COX16: variants seen among roughly 807,000 people sequenced by gnomAD.
COX16 encodes cytochrome c oxidase assembly factor COX16.
In COX16, 12 loss-of-function variants were observed where a neutral mutation model predicts 15.4. The observed-to-expected ratio is 0.78, with a 90% CI of 0.50 to 1.26. The LOEUF is 1.26. COX16 is among the 50% of genes most tolerant of loss of function. The probability of loss-of-function intolerance (pLI) is 0.00; values close to 1 mark genes in which losing one functional copy is unlikely to be tolerated. For synonymous variants in COX16, 46 were observed against 41.1 expected (o/e 1.12, Z -0.46); for missense variants, 124 against 127.6 (o/e 0.97, Z 0.14).
intron 1 of COX16, among the ~76,000 whole-genome samples, chr14:70,356,630 AAAC>A (rs1356668653): frequency 6.6e-6 from 1 of 152,206 alleles, no homozygotes; most frequent in Non-Finnish European, 1.5e-5. Flanking sequence ...AAAATACTTC[AAAC>A]AACAACAGAT....
intron 1 of COX16, among the ~76,000 whole-genome samples, chr14:70,355,945 C>G (rs960590837): frequency 3.1e-4 from 47 of 152,088 alleles, no homozygotes; most frequent in African/African-American, 1.1e-3. Flanking sequence ...CCTCCCTCCC[C>G]TCTCTCTTGG....
chr14:70,332,958 C>A lies in COX16; in HGVS notation c.142-3722G>T, dbSNP rs75767474. On this transcript the variant is annotated intron_variant, in intron 2 of 3. Transcript: ENST00000389912. ...CACAGATCCATTTGGGCCAAAAAGCCATGCCAACCTTGGAGCCTTCATAAG... is the reference window on the plus strand; with the variant it reads ...CACAGATCCATTTGGGCCAAAAAGCAATGCCAACCTTGGAGCCTTCATAAG... Among the ~76,000 whole-genome samples the A allele has an allele frequency of 1.8e-4, 28 of 152,324 alleles. No homozygotes were observed. In the East Asian group the frequency reaches 4.8e-3, roughly 26 times the overall value.
intron 3 of COX16, among the ~76,000 whole-genome samples, chr14:70,327,127 GGTT>G (rs979288904): frequency 1.3e-5 from 2 of 151,570 alleles, no homozygotes; most frequent in Non-Finnish European, 3.0e-5. Context: ...CTGCTGTTTT[GGTT>G]GTTCTGAAAT....
At chr14:70,340,718 G>T (rs965100340) in intron 2 of COX16, among the ~76,000 whole-genome samples, 1 of 152,156 alleles carries the variant, frequency 6.6e-6, no homozygotes, top group South Asian at 2.1e-4. Flanking sequence ...TCCACTGCCA[G>T]AGAGTTAGTT....
intron 2 of COX16, among the ~76,000 whole-genome samples, chr14:70,338,029 G>C (rs1886509737): frequency 6.6e-6 from 1 of 152,200 alleles, no homozygotes; most frequent in South Asian, 2.1e-4. Flanking sequence ...AGCAACAACT[G>C]ACAAGATAAT....
chr14:70,344,267 T>C (rs938480633), intron 1 of COX16, among the ~76,000 whole-genome samples: 1 of 152,198 alleles, frequency 6.6e-6, no homozygotes, highest in Non-Finnish European at 1.5e-5. Context: ...TGTAGCTAAT[T>C]TGTTGGTCCT....
intron 2 of COX16, among the ~76,000 whole-genome samples, chr14:70,341,952 C>A (rs570027258): frequency 6.6e-6 from 1 of 152,026 alleles, no homozygotes; most frequent in East Asian, 1.9e-4. Flanking sequence ...AAATAGTTTT[C>A]CTTTTAGTAA....
In COX16 at chr14:70,338,758, T is replaced by G. The variant is rs140442198; in HGVS notation, c.141+3900A>C. Among the ~76,000 whole-genome samples the G allele has an allele frequency of 6.7e-3, 1,018 of 152,318 alleles. 7 individuals carry two copies. Among genetic ancestry groups the G allele is most frequent in the African/African-American group, 0.023 (965 of 41,572 alleles). ...TTAGACTGAGTATAGTGTTGTATTT[T>G]GGGGAGATGAGTAAACTTATGATTG... is the stretch of plus-strand genomic sequence containing the variant. On this transcript the variant is annotated intron_variant, in intron 2 of 3. Transcript: ENST00000389912.
intron 2 of COX16, among the ~76,000 whole-genome samples, chr14:70,333,591 C>T (rs1566598306): frequency 6.6e-6 from 1 of 152,008 alleles, no homozygotes; most frequent in Non-Finnish European, 1.5e-5. Flanking sequence ...ATCTATGGAA[C>T]AACATAAAAA....
At chr14:70,333,899 C>T (rs1753070443) in intron 2 of COX16, among the ~76,000 whole-genome samples, 1 of 152,130 alleles carries the variant, frequency 6.6e-6, no homozygotes, top group African/African-American at 2.4e-5. Flanking sequence ...TTAGTAGAAA[C>T]TATAAAGGCC....
At chr14:70,348,745 A>C (rs1425762791) in intron 1 of COX16, among the ~76,000 whole-genome samples, 1 of 152,226 alleles carries the variant, frequency 6.6e-6, no homozygotes, top group African/African-American at 2.4e-5. Flanking sequence ...TGTGGAAAGA[A>C]CAAGGTTTTT....
chr14:70,329,350 G>T, intron 2 of COX16, 114 bp from the exon 3 acceptor site: 3 of 779,936 alleles, frequency 3.8e-6, no homozygotes, highest in East Asian at 3.5e-5. Context: ...ACAAACACAT[G>T]GCAAAATCTC....
At chr14:70,334,890 C>T (rs1886402241) in intron 2 of COX16, among the ~76,000 whole-genome samples, 2 of 152,138 alleles carry the variant, frequency 1.3e-5, no homozygotes. Flanking sequence ...ACTACACTCT[C>T]CAGTTAGAAA....
rs752289712 is a variant in COX16 at position 70,329,248 on chromosome 14, G to GA, written c.142-13dup. 3.0e-5 allele frequency: 46 copies of GA among 1,554,308 alleles called. No homozygotes were observed. The African/African-American group carries it at 4.0e-4, about 14-fold the overall frequency. ...AGCTCAGGATCCATCTGTAGAAAAG[G>GA]AAAAAAAGTAATAAGTTATCTAAGT... On this transcript the variant is annotated splice_polypyrimidine_tract_variant and intron_variant, in intron 2 of 3. Transcript: ENST00000389912.
intron 1 of COX16, among the ~76,000 whole-genome samples, chr14:70,343,598 T>C (rs1230979152): frequency 3.3e-5 from 5 of 152,242 alleles, no homozygotes; most frequent in African/African-American, 7.2e-5. Context: ...GTATATCACA[T>C]TGTATTCCCA....
At chr14:70,359,377 A>G in intron 1 of COX16, 142 bp downstream of exon 1, 1 of 739,694 alleles carries the variant, frequency 1.4e-6, no homozygotes. Flanking sequence ...AGCTTTTAGG[A>G]AAGCTCTCAC....
intron 1 of COX16, among the ~76,000 whole-genome samples, chr14:70,347,755 A>G (rs1483366376): frequency 6.6e-6 from 1 of 152,014 alleles, no homozygotes; most frequent in Non-Finnish European, 1.5e-5. Flanking sequence ...CTCTTACCCC[A>G]TGAACCCGAG....
intron 1 of COX16, among the ~76,000 whole-genome samples, chr14:70,351,220 T>C (rs1274846272): frequency 6.6e-6 from 1 of 152,144 alleles, no homozygotes; most frequent in Non-Finnish European, 1.5e-5. Flanking sequence ...CTTCAAAAAA[T>C]CATCAATCCA....
At chr14:70,332,331 C>T (rs980258822) in intron 2 of COX16, among the ~76,000 whole-genome samples, 3 of 152,244 alleles carry the variant, frequency 2.0e-5, no homozygotes, top group Non-Finnish European at 4.4e-5. Context: ...GGCTTGCCAA[C>T]CTCCTGTCAC....
Sources: allele counts gnomAD v4.1 joint callset (sites outside exome capture counted in the v4.1 genomes callset), GRCh38; gene constraint gnomAD v4.1.1; transcripts MANE v1.5; gene names NCBI Gene and HGNC (gene_info 2026-07-23, HGNC 2026-07-21).